Variants in UTRN observed in about 807,000 individuals in gnomAD.
The protein encoded by UTRN is dystrophin-related protein 1.
UTRN carries 283 observed loss-of-function variants against 463.9 expected under a neutral mutation model. That is an observed-to-expected ratio of 0.61 (90% confidence interval 0.55 to 0.67). The LOEUF is 0.67. UTRN is among the 30% of genes least tolerant of loss of function. UTRN has a pLI of 0.00. For synonymous variants in UTRN, 1,442 were observed against 1,431.5 expected (o/e 1.01, Z -0.17); for missense variants, 3,922 against 4,084.3 (o/e 0.96, Z 1.08).
chr6:144,338,962 A>G (rs1318163480), intron 2 of UTRN, among the ~76,000 whole-genome samples: 1 of 152,212 alleles, frequency 6.6e-6, no homozygotes, highest in Non-Finnish European at 1.5e-5. Context: ...CTTCATAAAC[A>G]TATGTATTTA....
intron 68 of UTRN, among the ~76,000 whole-genome samples, chr6:144,828,078 AAAT>A (rs1473706726): frequency 6.6e-6 from 1 of 152,174 alleles, no homozygotes; most frequent in South Asian, 2.1e-4. Context: ...TAGAGTCTCT[AAAT>A]AATATATAGG....
intron 51 of UTRN, among the ~76,000 whole-genome samples, chr6:144,579,783 T>C (rs542882180): frequency 1.3e-5 from 2 of 152,274 alleles, no homozygotes; most frequent in South Asian, 4.1e-4. Context: ...CTCTTTTGGC[T>C]GGTAGAAAGT....
intron 51 of UTRN, among the ~76,000 whole-genome samples, chr6:144,658,551 A>C (rs1779558566): frequency 6.7e-6 from 1 of 149,684 alleles, no homozygotes; most frequent in Admixed American, 6.6e-5. Flanking sequence ...TCCCCCCCCC[A>C]CTTTGGTCTA....
intron 58 of UTRN, among the ~76,000 whole-genome samples, chr6:144,769,772 G>A (rs1373653307): frequency 6.6e-6 from 1 of 152,150 alleles, no homozygotes; most frequent in Non-Finnish European, 1.5e-5. Context: ...CGTGGGGATT[G>A]AAATTCCCTG....
chr6:144,581,964 C>T lies in UTRN; in HGVS notation c.7479+4676C>T, dbSNP rs12200994. On this transcript the variant is annotated intron_variant, in intron 51 of 74. Coordinates refer to ENST00000367545, the MANE Select transcript of UTRN (RefSeq NM_007124.3). The stretch of plus-strand genomic sequence containing the variant: ...AATATGTTCTCCACTTTTGGCTTTA[C>T]ACAGATATGGTGACATTGTTAGCCT... Among the ~76,000 whole-genome samples the T allele has an allele frequency of 9.0e-3, 1,367 of 152,248 alleles. 8 individuals are homozygous for T. Among genetic ancestry groups the T allele is most frequent in the Middle Eastern group, 0.024 (7 of 294 alleles).
intron 65 of UTRN, among the ~76,000 whole-genome samples, chr6:144,811,945 A>G (rs1365751163): frequency 1.3e-5 from 2 of 152,142 alleles, no homozygotes; most frequent in Non-Finnish European, 2.9e-5. Context: ...TTGCGTGCCA[A>G]GTGACTTTTT....
At chr6:144,820,682 A>G (rs575064303) in intron 65 of UTRN, among the ~76,000 whole-genome samples, 200 bp from the exon 66 acceptor site, 117 of 152,366 alleles carry the variant, frequency 7.7e-4, no homozygotes, top group African/African-American at 2.8e-3. Context: ...ATGAAAAAGT[A>G]TAAACATATC....
intron 66 of UTRN, among the ~76,000 whole-genome samples, chr6:144,824,604 A>ATC (rs1779964172): frequency 9.9e-5 from 4 of 40,414 alleles, no homozygotes; most frequent in Admixed American, 7.9e-4. Context: ...ATATATATAT[A>ATC]TATATATATC....
At chr6:144,513,807 C>T in intron 35 of UTRN, 102 bp from the exon 36 acceptor site, 1 of 1,319,852 alleles carries the variant, frequency 7.6e-7, no homozygotes, top group Non-Finnish European at 1.0e-6. Context: ...CCTTTAAATT[C>T]ATGGTACAGT....
In UTRN at chr6:144,840,740, C is replaced by A; in HGVS notation, c.10178C>A (p.Ala3393Glu). 3 of 1,613,662 alleles carry A rather than the reference C, an allele frequency of 1.9e-6. No homozygotes were observed. Among genetic ancestry groups the A allele is most frequent in the Non-Finnish European group, 2.5e-6 (3 of 1,179,838 alleles). Residue 3393 changes from alanine to glutamate, a missense_variant and splice_region_variant, in exon 73 of 75, where the codon GCG becomes GAG. By Grantham distance (107) the Ala-to-Glu change is moderately radical (BLOSUM62 -1). This residue lies in a region of UTRN where 1,309 missense variants were observed against 1,452.6 expected (regional missense o/e 0.90). Coordinates refer to ENST00000367545, the MANE Select transcript of UTRN (RefSeq NM_007124.3). The stretch of plus-strand genomic sequence containing the variant: ...TTGTTCTCTTTATTTGCTGTCACAG[C>A]GGGAGAGGACCTGCTGGCCCCACCG... The part of the protein sequence containing the change: ...DASGPQFHQA[A>E]GEDLLAPPHD...
chr6:144,772,146 G>T (rs1794137560), intron 59 of UTRN, among the ~76,000 whole-genome samples, 178 bp downstream of exon 59: 1 of 145,890 alleles, frequency 6.9e-6, no homozygotes, highest in African/African-American at 2.5e-5. Context: ...CAATTCTCCT[G>T]CCTTAGGCTC....
chr6:144,673,669 A>T (rs1210003737), intron 51 of UTRN, among the ~76,000 whole-genome samples: 1 of 152,204 alleles, frequency 6.6e-6, no homozygotes, highest in Non-Finnish European at 1.5e-5. Flanking sequence ...GTGAGGTACT[A>T]TTCTATTCCT....
At chr6:144,329,303 G>C (rs1248520638) in intron 2 of UTRN, among the ~76,000 whole-genome samples, 1 of 151,166 alleles carries the variant, frequency 6.6e-6, no homozygotes, top group Admixed American at 6.6e-5. Context: ...GGATGGTCTC[G>C]ATCTCTTGAC....
chr6:144,556,224 A>G (rs1005150651), intron 49 of UTRN, among the ~76,000 whole-genome samples: 10 of 152,220 alleles, frequency 6.6e-5, no homozygotes, highest in African/African-American at 2.4e-4. Flanking sequence ...AAACAATCGA[A>G]AATGTGGAAG....
chr6:144,751,743 T>A, intron 55 of UTRN, 63 bp from the exon 56 acceptor site: 1 of 1,460,950 alleles, frequency 6.8e-7, no homozygotes, highest in Non-Finnish European at 9.2e-7. Flanking sequence ...TATTTAAGGA[T>A]CAACTGTATT....
At chr6:144,514,154 T>A in intron 36 of UTRN, 117 bp downstream of exon 36, 1 of 1,369,120 alleles carries the variant, frequency 7.3e-7, no homozygotes, top group Non-Finnish European at 1.0e-6. Context: ...TTAGATTCAT[T>A]AACATTTATT....
At chr6:144,631,688 G>A (rs767665033) in intron 51 of UTRN, among the ~76,000 whole-genome samples, 1 of 152,024 alleles carries the variant, frequency 6.6e-6, no homozygotes, top group Non-Finnish European at 1.5e-5. Context: ...ACTGTGGATC[G>A]GTTCTCCTCT....
At chr6:144,724,877 T>G (rs997736003) in intron 53 of UTRN, among the ~76,000 whole-genome samples, 13 of 152,270 alleles carry the variant, frequency 8.5e-5, no homozygotes, top group African/African-American at 3.1e-4. Context: ...TTGGCTATTA[T>G]GAATAAGGCT....
At chr6:144,821,068 T>G (rs750685701) in intron 66 of UTRN, 50 bp downstream of exon 66, 4 of 1,577,234 alleles carry the variant, frequency 2.5e-6, no homozygotes, top group Non-Finnish European at 2.6e-6. Flanking sequence ...ATATCTGATG[T>G]TGTCTTTTTT....
Sources: gnomAD v4.1 joint callset for allele counts (sites outside exome capture counted in the v4.1 genomes callset) on GRCh38, gnomAD v4.1.1 for gene constraint, gnomAD v4.1.1 regional missense constraint, MANE v1.5 for transcripts, NCBI Gene and HGNC (gene_info 2026-07-23, HGNC 2026-07-21) for gene names.